Variants in PTGER4 observed in about 807,000 individuals in gnomAD.
The protein encoded by PTGER4 is prostaglandin E receptor 4, also known as prostaglandin E2 receptor EP4 subtype.
PTGER4 carries 11 observed loss-of-function variants against 33.2 expected under a neutral mutation model. That is an observed-to-expected ratio of 0.33 (90% CI 0.21 to 0.55). The LOEUF (loss-of-function observed/expected upper bound fraction) is 0.55, where lower values mean the gene tolerates loss of function less well. Ranked by LOEUF, PTGER4 falls within the 20% of genes least tolerant of loss-of-function variation. PTGER4 has a pLI of 0.92. For missense variants in PTGER4, 481 were observed against 650.2 expected (o/e 0.74, Z 2.83); for synonymous variants, 275 against 281.5 (o/e 0.98, Z 0.23).
At position 40,691,952 on chromosome 5, in the gene PTGER4, C is replaced by T. The variant is rs1741484039; in HGVS notation, c.1041C>T (p.Leu347=). 2 of 1,614,124 alleles carry T rather than the reference C, an allele frequency of 1.2e-6. No homozygotes were observed. Among genetic ancestry groups the T allele is most frequent in the African/African-American group, 2.7e-5 (2 of 74,948 alleles). The change falls in exon 3 of 3, where the codon CTC becomes CTT. Residue 347 remains leucine (L), a synonymous_variant. Coordinates refer to ENST00000302472, the MANE Select transcript of PTGER4 (RefSeq NM_000958.3). This position sits in a 1 kb window ranked among gnomAD's most constrained non-coding sequence, Gnocchi z 4.2. Reference sequence around the variant, plus strand: ...AAGCAATAGAGAAGATCAAATGCCTCTTCTGCCGCATTGGCGGGTCCCGCA... The same window carrying T: ...AAGCAATAGAGAAGATCAAATGCCTTTTCTGCCGCATTGGCGGGTCCCGCA... ...LSKAIEKIKC[L]FCRIGGSRRE...
At chr5:40,706,534 G>T in the PTGER4 span, among the ~76,000 whole-genome samples, 1 of 152,036 alleles carries the variant, frequency 6.6e-6, no homozygotes, top group African/African-American at 2.4e-5. Flanking sequence ...GGGACCAGGT[G>T]AAAATATGAA....
the PTGER4 span, among the ~76,000 whole-genome samples, chr5:40,735,447 G>A: frequency 3.3e-5 from 5 of 152,072 alleles, no homozygotes; most frequent in African/African-American, 1.2e-4. Context: ...CTTGGTATGA[G>A]TGAAAAAAAG....
chr5:40,733,231 G>A, the PTGER4 span, among the ~76,000 whole-genome samples: 1 of 152,146 alleles, frequency 6.6e-6, no homozygotes, highest in African/African-American at 2.4e-5. Context: ...GATGTTTGAG[G>A]TTTCAGGAGT....
chr5:40,743,877 T>G, the PTGER4 span, among the ~76,000 whole-genome samples: 2 of 152,204 alleles, frequency 1.3e-5, no homozygotes, highest in African/African-American at 4.8e-5. Context: ...GTGTTCTCCA[T>G]CCAAAATAAA....
At chr5:40,697,126 AAAGG>A (rs202220909), downstream of PTGER4, among the ~76,000 whole-genome samples, 855 of 135,538 alleles carry the variant, frequency 6.3e-3, 12 homozygotes, top group Non-Finnish European at 8.3e-3. Context: ...AAAAAGAAAG[AAAGG>A]AAGGAAGGAA....
At chr5:40,688,253 C>G (rs1741377578) in intron 2 of PTGER4, among the ~76,000 whole-genome samples, 1 of 152,074 alleles carries the variant, frequency 6.6e-6, no homozygotes, top group Non-Finnish European at 1.5e-5. Context: ...AAATTCTGTT[C>G]TGCGAGTCTC....
downstream of PTGER4, chr5:40,693,835 G>A (rs952536629): frequency 8.3e-6 from 5 of 600,846 alleles, no homozygotes; most frequent in Non-Finnish European, 1.0e-5. Flanking sequence ...AAAATTTATT[G>A]TGAAATAATT....
downstream of PTGER4, among the ~76,000 whole-genome samples, chr5:40,698,258 A>G (rs1257608482): frequency 2.0e-5 from 3 of 152,060 alleles, no homozygotes; most frequent in African/African-American, 7.2e-5. Flanking sequence ...AGCCTGGGCA[A>G]CAAACCAAGA....
the PTGER4 span, among the ~76,000 whole-genome samples, chr5:40,712,391 T>C: frequency 6.6e-6 from 1 of 152,170 alleles, no homozygotes; most frequent in African/African-American, 2.4e-5. Context: ...CATAAAATAA[T>C]GTCCCTCTCC....
rs1741206076 is a variant in PTGER4 at position 40,681,946 on chromosome 5, A to G, written c.867+86A>G. ...TTCCCCGCTCCCTGCTTTCCCTCTG[A>G]GTCCTTGGCAGTGAACGTGTCGCCT... On this transcript the variant is annotated intron_variant, in intron 2 of 2. Coordinates refer to ENST00000302472, the MANE Select transcript of PTGER4 (RefSeq NM_000958.3). The surrounding 1 kb of genome is among the most constrained non-coding windows in gnomAD (Gnocchi z 9.8). 2.1e-6 allele frequency: 3 copies of G among 1,411,648 alleles called. No homozygotes were observed. Among genetic ancestry groups the G allele is most frequent in the African/African-American group, 3.0e-5 (2 of 65,938 alleles). The allele number at this position is 1,411,648 out of a possible 1,614,324, so 87.4% of individuals were successfully genotyped here.
chr5:40,723,316 T>C, the PTGER4 span, among the ~76,000 whole-genome samples: 1 of 152,022 alleles, frequency 6.6e-6, no homozygotes, highest in African/African-American at 2.4e-5. Flanking sequence ...CAGGGTCCTC[T>C]GCCTAGGAAA....
chr5:40,681,447 G>A lies in PTGER4; in HGVS notation c.454G>A (p.Ala152Thr). 6.2e-7 allele frequency: 1 copy of A among 1,613,792 alleles called. No homozygotes were observed. The highest frequency in any genetic ancestry group is 2.2e-5 in the East Asian group (1 of 44,878). Residue 152 changes from alanine to threonine, a missense_variant, in exon 2 of 3, where the codon GCG becomes ACG. Physicochemically the swap from Ala to Thr is moderately conservative, Grantham distance 58 (BLOSUM62 0). Around this residue, in one of 7 missense-constraint regions of PTGER4, gnomAD observed 43 missense variants for 39.4 expected, o/e 1.09. Coordinates refer to ENST00000302472, the MANE Select transcript of PTGER4 (RefSeq NM_000958.3). This position sits in a 1 kb window ranked among gnomAD's most constrained non-coding sequence, Gnocchi z 9.8. ...CTATGCGTCCAACGTGCTCTTTTGC[G>A]CGCTGCCCAACATGGGTCTCGGTAG... ...AVYASNVLFCALPNMGLGSSR... is the reference protein window; with the variant it reads ...AVYASNVLFCTLPNMGLGSSR...
chr5:40,713,504 G>A, the PTGER4 span, among the ~76,000 whole-genome samples: 1 of 152,264 alleles, frequency 6.6e-6, no homozygotes, highest in African/African-American at 2.4e-5. Flanking sequence ...CCCAGTTGCA[G>A]TAGATCTGGC....
the PTGER4 span, among the ~76,000 whole-genome samples, chr5:40,743,416 T>C: frequency 2.0e-5 from 3 of 151,996 alleles, no homozygotes; most frequent in Admixed American, 6.6e-5. Flanking sequence ...GGACTCAGTA[T>C]TTTTTTTAAT....
chr5:40,696,693 G>A (rs1312226612), downstream of PTGER4: 1 of 984,994 alleles, frequency 1.0e-6, no homozygotes, highest in Non-Finnish European at 1.2e-6. Flanking sequence ...AAGGACAGAA[G>A]AGAACACCAG....
chr5:40,716,842 G>A, the PTGER4 span, among the ~76,000 whole-genome samples: 1 of 152,156 alleles, frequency 6.6e-6, no homozygotes, highest in African/African-American at 2.4e-5. Context: ...CAATCACAAA[G>A]GTACCAGGAG....
chr5:40,705,609 G>A, the PTGER4 span, among the ~76,000 whole-genome samples: 8 of 151,994 alleles, frequency 5.3e-5, no homozygotes, highest in African/African-American at 1.9e-4. Flanking sequence ...CATCTATAAG[G>A]AACTTAAACA....
At chr5:40,707,623 G>A in the PTGER4 span, among the ~76,000 whole-genome samples, 3 of 152,052 alleles carry the variant, frequency 2.0e-5, no homozygotes, top group African/African-American at 4.8e-5. Context: ...ACAGATCCAC[G>A]AGACAGAAAG....
rs1447525169 is a variant in PTGER4, at chr5:40,683,581, G to C, written c.867+1721G>C. ...TTCAGAACATCCACTTAAAGGGACA[G>C]AGGAATTAGAGCTAGAAGGTTAGCA... On this transcript the variant is annotated intron_variant, in intron 2 of 2. Transcript: ENST00000302472. This position sits in a 1 kb window ranked among gnomAD's most constrained non-coding sequence, Gnocchi z 4.2. Among the ~76,000 whole-genome samples the C allele has an allele frequency of 6.6e-6, 1 of 152,214 alleles. No individual in the cohort carries two copies. Among genetic ancestry groups the C allele is most frequent in the Non-Finnish European group, 1.5e-5 (1 of 68,032 alleles).
Sources: allele counts gnomAD v4.1 joint callset (sites outside exome capture counted in the v4.1 genomes callset), GRCh38; gene constraint gnomAD v4.1.1; regional missense constraint gnomAD v4.1.1; non-coding constraint Gnocchi (gnomAD v3.1); transcripts MANE v1.5; gene names NCBI Gene and HGNC (gene_info 2026-07-23, HGNC 2026-07-21).